The following STAU2 variants were observed in gnomAD, a reference collection of about 807,000 sequenced individuals.
STAU2 encodes the protein staufen double-stranded RNA binding protein 2.
In STAU2, 20 loss-of-function variants were observed where a neutral mutation model predicts 65.9. The ratio of observed to expected loss-of-function variants is 0.30; its 90% CI spans 0.21 to 0.44. The LOEUF is 0.44. STAU2 is among the 20% of genes least tolerant of loss of function. The pLI, the probability that STAU2 is intolerant of heterozygous loss-of-function variation, is 1.00. For missense variants in STAU2, 558 were observed against 683.9 expected (o/e 0.82, Z 2.05); for synonymous variants, 232 against 233.9 (o/e 0.99, Z 0.07).
At chr8:73,600,673 C>T (rs1811573390) in intron 10 of STAU2, among the ~76,000 whole-genome samples, 1 of 152,202 alleles carries the variant, frequency 6.6e-6, no homozygotes, top group African/African-American at 2.4e-5. Context: ...CTCTACTGCT[C>T]TGAGGCCTGG....
intron 4 of STAU2, among the ~76,000 whole-genome samples, chr8:73,702,816 A>T (rs1820208835): frequency 6.6e-6 from 1 of 152,204 alleles, no homozygotes. Flanking sequence ...TCACTACGGA[A>T]GTGCAAACTG....
intron 13 of STAU2, chr8:73,527,683 T>G (rs1222749568): frequency 1.3e-6 from 2 of 1,535,288 alleles, no homozygotes; most frequent in South Asian, 1.2e-5. Flanking sequence ...GGCAGTGGCA[T>G]ATTATACCTG....
chr8:73,679,249 G>T (rs144679611), intron 5 of STAU2, among the ~76,000 whole-genome samples: 344 of 152,186 alleles, frequency 2.3e-3, no homozygotes, highest in African/African-American at 7.2e-3. Context: ...ATTCACTGAG[G>T]TCACCCGGAG....
intron 13 of STAU2, among the ~76,000 whole-genome samples, chr8:73,471,836 AAG>A (rs1491459351): frequency 3.4e-5 from 5 of 145,832 alleles, no homozygotes; most frequent in Admixed American, 3.3e-4. Context: ...AAAAAAAAAA[AAG>A]AGAGAAGAAG....
At chr8:73,443,199 C>T (rs1283776041) in intron 13 of STAU2, among the ~76,000 whole-genome samples, 1 of 152,178 alleles carries the variant, frequency 6.6e-6, no homozygotes, top group Non-Finnish European at 1.5e-5. Context: ...AAAAGGGTGA[C>T]TGTGCCAGAA....
At chr8:73,503,425 G>A (rs1013400681) in intron 13 of STAU2, among the ~76,000 whole-genome samples, 1 of 151,964 alleles carries the variant, frequency 6.6e-6, no homozygotes. Context: ...CTGAGAAGCC[G>A]GGAATGGAAG....
At chr8:73,437,188 T>C (rs1817766825) in intron 13 of STAU2, among the ~76,000 whole-genome samples, 1 of 152,212 alleles carries the variant, frequency 6.6e-6, no homozygotes, top group African/African-American at 2.4e-5. Context: ...TCCTAATCCA[T>C]GTCACCTGTG....
At chr8:73,512,183 A>C (rs1026360651) in intron 13 of STAU2, among the ~76,000 whole-genome samples, 6 of 152,180 alleles carry the variant, frequency 3.9e-5, no homozygotes, top group African/African-American at 1.4e-4. Flanking sequence ...AGTAGTGTAA[A>C]TGTTTCAATT....
intron 13 of STAU2, among the ~76,000 whole-genome samples, chr8:73,490,432 A>C (rs1821103829): frequency 6.6e-6 from 1 of 151,988 alleles, no homozygotes; most frequent in African/African-American, 2.4e-5. Context: ...TGAAGGTGAG[A>C]TGCATCTCAA....
intron 3 of STAU2, among the ~76,000 whole-genome samples, chr8:73,735,158 T>G (rs1432086168): frequency 6.6e-6 from 1 of 152,166 alleles, no homozygotes. Flanking sequence ...CTCAAAATCC[T>G]GGGCTCAAGC....
intron 7 of STAU2, among the ~76,000 whole-genome samples, chr8:73,616,516 C>T (rs1046002593): frequency 2.0e-5 from 3 of 152,058 alleles, no homozygotes; most frequent in African/African-American, 7.2e-5. Context: ...GCTCACTATG[C>T]TGCCGGGCAT....
At chr8:73,487,870 A>G (rs938829700) in intron 13 of STAU2, among the ~76,000 whole-genome samples, 2 of 152,256 alleles carry the variant, frequency 1.3e-5, no homozygotes, top group Admixed American at 1.3e-4. Context: ...TAATAAAAAA[A>G]TTAGTATATC....
At chr8:73,593,880 TACAC>T (rs3032945) in intron 11 of STAU2, among the ~76,000 whole-genome samples, 104,801 of 150,326 alleles carry the variant, frequency 0.7, 36,695 homozygotes, top group East Asian at 0.76. Flanking sequence ...GACACACACA[TACAC>T]ACACACACAC....
intron 13 of STAU2, among the ~76,000 whole-genome samples, chr8:73,537,126 G>T (rs1273937945): frequency 2.0e-5 from 3 of 152,078 alleles, no homozygotes; most frequent in Non-Finnish European, 4.4e-5. Flanking sequence ...TAGCAAAATG[G>T]AAAGAACAGA....
chr8:73,625,887 C>G (rs909015952), intron 6 of STAU2, among the ~76,000 whole-genome samples: 1 of 152,076 alleles, frequency 6.6e-6, no homozygotes, highest in Non-Finnish European at 1.5e-5. Flanking sequence ...AAAGACCTCC[C>G]TTTTGCACTC....
intron 11 of STAU2, among the ~76,000 whole-genome samples, chr8:73,591,526 A>C (rs1415675677): frequency 6.6e-6 from 1 of 152,162 alleles, no homozygotes; most frequent in East Asian, 1.9e-4. Flanking sequence ...GGAAAAAAAT[A>C]TCCCATGCAA....
chr8:73,532,058 A>C (rs1238003375), intron 13 of STAU2, among the ~76,000 whole-genome samples: 1 of 152,168 alleles, frequency 6.6e-6, no homozygotes, highest in Non-Finnish European at 1.5e-5. Flanking sequence ...GAAAAACTGA[A>C]TTCCCAGCCA....
At chr8:73,744,901 T>G (rs1807166613) in intron 1 of STAU2, among the ~76,000 whole-genome samples, 1 of 152,248 alleles carries the variant, frequency 6.6e-6, no homozygotes, top group Non-Finnish European at 1.5e-5. Flanking sequence ...TTGAAATTAT[T>G]TCCAAATAAA....
At chr8:73,688,900 G>A (rs1819135103) in intron 4 of STAU2, 87 bp from the exon 5 acceptor site, 3 of 1,492,122 alleles carry the variant, frequency 2.0e-6, no homozygotes, top group African/African-American at 2.8e-5. Context: ...AAACATCATA[G>A]AATCAGAATT....
Sources: gnomAD v4.1 joint callset for allele counts (sites outside exome capture counted in the v4.1 genomes callset) on GRCh38, gnomAD v4.1.1 for gene constraint, MANE v1.5 for transcripts, NCBI Gene and HGNC (gene_info 2026-07-23, HGNC 2026-07-21) for gene names.